KYAT3: variants seen among roughly 807,000 people sequenced by gnomAD.
KYAT3 encodes kynurenine--oxoglutarate transaminase 3.
KYAT3 carries 50 observed loss-of-function variants against 59.0 expected under a neutral mutation model. The ratio of observed to expected loss-of-function variants is 0.85; its 90% confidence interval spans 0.68 to 1.07. The LOEUF (loss-of-function observed/expected upper bound fraction) is 1.07, where lower values mean the gene tolerates loss of function less well. KYAT3 is among the 50% of genes least tolerant of loss of function. The pLI is 0.00. For synonymous variants in KYAT3, 148 were observed against 177.0 expected (o/e 0.84, Z 1.30); for missense variants, 497 against 533.3 (o/e 0.93, Z 0.67).
downstream of KYAT3, among the ~76,000 whole-genome samples, chr1:88,934,989 A>ATTTTT (rs59691903): frequency 8.2e-5 from 9 of 110,100 alleles, no homozygotes; most frequent in Admixed American, 1.0e-4. Context: ...TAAAGAAGTG[A>ATTTTT]TTTTTTTTTT....
intron 2 of KYAT3, among the ~76,000 whole-genome samples, chr1:88,987,414 G>A (rs533652319): frequency 5.9e-5 from 9 of 152,126 alleles, no homozygotes; most frequent in Non-Finnish European, 1.3e-4. Context: ...AGACACTGAT[G>A]ATGGTTTTTA....
intron 2 of KYAT3, chr1:88,980,469 C>T (rs568755369): frequency 6.6e-5 from 10 of 150,834 alleles, no homozygotes; most frequent in African/African-American, 2.2e-4. Flanking sequence ...AGTTTCAATA[C>T]AAAACATTCC....
chr1:88,922,214 C>T, the KYAT3 span, among the ~76,000 whole-genome samples: 1 of 151,934 alleles, frequency 6.6e-6, no homozygotes, highest in Non-Finnish European at 1.5e-5. Context: ...AATGAGGCCC[C>T]CTCTCTCTCT....
chr1:88,980,046 A>G (rs772320082), intron 2 of KYAT3: 14 of 152,252 alleles, frequency 9.2e-5, no homozygotes, highest in Non-Finnish European at 1.8e-4. Context: ...ATTGTGTGTG[A>G]AAGAAACCAT....
chr1:88,938,825 T>C (rs969186092), intron 13 of KYAT3, among the ~76,000 whole-genome samples: 1 of 152,208 alleles, frequency 6.6e-6, no homozygotes, highest in South Asian at 2.1e-4. Context: ...TAGCATCATT[T>C]ATTCAAGCAG....
chr1:88,965,828 GT>G (rs1676328961), intron 4 of KYAT3, among the ~76,000 whole-genome samples: 1 of 152,128 alleles, frequency 6.6e-6, no homozygotes, highest in African/African-American at 2.4e-5. Flanking sequence ...ATGTACCTTT[GT>G]TTGAAAGCAC....
chr1:88,977,413 G>C (rs1676834559), intron 2 of KYAT3, among the ~76,000 whole-genome samples: 1 of 152,194 alleles, frequency 6.6e-6, no homozygotes. Context: ...TGTTGGCCAG[G>C]CTGGTCTCGA....
the KYAT3 span, among the ~76,000 whole-genome samples, chr1:88,925,084 A>C: frequency 6.6e-6 from 1 of 152,084 alleles, no homozygotes; most frequent in Non-Finnish European, 1.5e-5. Context: ...GACCACTTTC[A>C]CTTGCTATTC....
chr1:88,960,635 G>A (rs532555976), intron 8 of KYAT3, among the ~76,000 whole-genome samples: 23 of 152,234 alleles, frequency 1.5e-4, no homozygotes, highest in South Asian at 8.3e-4. Flanking sequence ...AGGGAGGTGC[G>A]AAGACCCAAA....
At chr1:88,926,980 C>G in the KYAT3 span, among the ~76,000 whole-genome samples, 1 of 152,136 alleles carries the variant, frequency 6.6e-6, no homozygotes, top group East Asian at 1.9e-4. Flanking sequence ...TGGTAAAGGA[C>G]CACTAGAATC....
At chr1:88,944,185 G>T (rs1254731221) in intron 11 of KYAT3, among the ~76,000 whole-genome samples, 1 of 152,054 alleles carries the variant, frequency 6.6e-6, no homozygotes, top group South Asian at 2.1e-4. Context: ...TGTACTCTTT[G>T]ATCTTCTTGA....
chr1:88,991,902 T>C (rs974769374), intron 1 of KYAT3, among the ~76,000 whole-genome samples: 1 of 152,176 alleles, frequency 6.6e-6, no homozygotes, highest in African/African-American at 2.4e-5. Context: ...AGCAACAGAC[T>C]GCCTTTCTGT....
At chr1:88,924,804 C>T in the KYAT3 span, among the ~76,000 whole-genome samples, 1 of 152,192 alleles carries the variant, frequency 6.6e-6, no homozygotes, top group Non-Finnish European at 1.5e-5. Context: ...GGCTAAGTGC[C>T]CGGGTTCATC....
chr1:88,954,316 A>G (rs1327859437), intron 9 of KYAT3, among the ~76,000 whole-genome samples: 1 of 152,244 alleles, frequency 6.6e-6, no homozygotes, highest in Non-Finnish European at 1.5e-5. Context: ...TTCTGGAGCC[A>G]GACTTCCTGT....
intron 2 of KYAT3, among the ~76,000 whole-genome samples, chr1:88,985,497 A>T (rs1285727656): frequency 2.0e-5 from 3 of 152,216 alleles, no homozygotes; most frequent in Non-Finnish European, 4.4e-5. Flanking sequence ...TGTGCCAAAA[A>T]CACACCTACG....
chr1:88,965,342 A>C (rs187232983), intron 4 of KYAT3, among the ~76,000 whole-genome samples: 113 of 152,334 alleles, frequency 7.4e-4, no homozygotes, highest in African/African-American at 2.7e-3. Context: ...AGTGAAAAAA[A>C]CCCACTTTAA....
chr1:88,988,329 G>A lies in KYAT3; in HGVS notation c.22C>T (p.Leu8Phe). MFLAQRSLCSLSGRAKFL... is the reference protein window; with the variant it reads MFLAQRSFCSLSGRAKFL... ...TTTGCTCTACCGCTAAGAGAGCAGA[G>A]GCTCCTCTGGGCCAAAAACATGCTA... Residue 8 changes from leucine to phenylalanine, a missense_variant, in exon 2 of 14, where the codon CTC becomes TTC. Physicochemically the swap from Leu to Phe is conservative, Grantham distance 22 (BLOSUM62 0). Around this residue, in one of 2 missense-constraint regions of KYAT3, gnomAD observed 469 missense variants for 479.1 expected, o/e 0.98. Coordinates refer to ENST00000260508, the MANE Select transcript of KYAT3 (RefSeq NM_001008661.3). 3 of 1,611,292 alleles carry A rather than the reference G, an allele frequency of 1.9e-6. No individual in the cohort carries two copies. Among genetic ancestry groups the A allele is most frequent in the Non-Finnish European group, 2.5e-6 (3 of 1,178,674 alleles).
At chr1:88,967,084 A>T (rs1192262600) in intron 4 of KYAT3, among the ~76,000 whole-genome samples, 1 of 152,066 alleles carries the variant, frequency 6.6e-6, no homozygotes, top group Non-Finnish European at 1.5e-5. Context: ...GCACACACAC[A>T]TGCACACACA....
At chr1:88,986,039 G>C (rs1056817209) in intron 2 of KYAT3, among the ~76,000 whole-genome samples, 3 of 152,058 alleles carry the variant, frequency 2.0e-5, no homozygotes, top group African/African-American at 7.2e-5. Context: ...ATATTGGCCG[G>C]GAGTGGTGGC....
Sources: gnomAD v4.1 joint callset for allele counts (sites outside exome capture counted in the v4.1 genomes callset) on GRCh38, gnomAD v4.1.1 for gene constraint, gnomAD v4.1.1 regional missense constraint, MANE v1.5 for transcripts, NCBI Gene and HGNC (gene_info 2026-07-23, HGNC 2026-07-21) for gene names.